The following ABCB8 variants were observed in gnomAD, a reference collection of about 807,000 sequenced individuals.
ABCB8 encodes ATP binding cassette subfamily B member 8, also known as mitochondrial potassium channel ATP-binding subunit.
A neutral mutation model predicts 73.0 loss-of-function variants in ABCB8; 52 were observed. That is an observed-to-expected ratio of 0.71 (90% confidence interval 0.57 to 0.90). ABCB8 has a LOEUF of 0.90. ABCB8 is among the 40% of genes least tolerant of loss of function. The probability of loss-of-function intolerance (pLI) is 0.00; values close to 1 mark genes in which losing one functional copy is unlikely to be tolerated. For synonymous variants in ABCB8, 428 were observed against 423.5 expected, an observed-to-expected ratio of 1.01 and a Z score of -0.13; for missense variants, 909 against 974.6, an observed-to-expected ratio of 0.93 and a Z score of 0.90.
intron 1 of ABCB8, chr7:151,029,118 G>A: frequency 3.4e-6 from 2 of 595,256 alleles, no homozygotes; most frequent in African/African-American, 2.0e-5. Context: ...TGGCCAACAT[G>A]GCAAAACCTC....
intron 12 of ABCB8, 82 bp from the exon 13 acceptor site, chr7:151,041,017 C>T (rs1796446437): frequency 6.2e-7 from 1 of 1,608,136 alleles, no homozygotes; most frequent in African/African-American, 1.4e-5. Context: ...GGGGTCCCTT[C>T]CTCCACTGCC....
rs1343338903 is a variant in ABCB8, at chr7:151,041,989, T to C, written c.1646T>C (p.Met549Thr). Residue 549 changes from methionine (M) to threonine (T), a missense_variant, in exon 14 of 16, where the codon ATG (methionine) becomes ACG (threonine). By Grantham distance (81) the Met-to-Thr change is moderately conservative (BLOSUM62 -1). Transcript: ENST00000358849. ...CCCGTCCTGTTTGGGACGACCATCA[T>C]GGAAAACATCCGCTTTGGGAAGCTG... is the stretch of plus-strand genomic sequence containing the variant. ...QEPVLFGTTI[M>T]ENIRFGKLEA... is the part of the protein sequence containing the mutation. 2 of 1,612,966 alleles carry C rather than the reference T, an allele frequency of 1.2e-6. No individual in the cohort carries two copies. Among genetic ancestry groups the C allele is most frequent in the South Asian group, 2.2e-5 (2 of 91,084 alleles).
rs768805047 is a variant in ABCB8, at chr7:151,040,607, C to T, written c.1361C>T (p.Ser454Phe). The stretch of plus-strand genomic sequence containing the variant: ...GTCCCCAAAGAGCAGCTGCGTGGCT[C>T]CGTTACATTTCAGAACGTCTGCTTC... ...CCVPKEQLRG[S>F]VTFQNVCFSY... Residue 454 changes from serine to phenylalanine, a missense_variant, in exon 11 of 16, where the codon TCC becomes TTC. By Grantham distance (155) the Ser-to-Phe change is radical. Transcript: ENST00000358849. 8.1e-6 allele frequency: 13 copies of T among 1,613,084 alleles called. No homozygotes were observed. The highest frequency in any genetic ancestry group is 1.7e-4 in the Middle Eastern group (1 of 6,058).
intron 1 of ABCB8, chr7:151,028,994 C>A (rs1796061692): frequency 8.2e-7 from 1 of 1,219,532 alleles, no homozygotes; most frequent in Non-Finnish European, 1.0e-6. Context: ...CAAAGTGAGT[C>A]GAAGAAGAAC....
chr7:151,033,207 C>T, intron 1 of ABCB8: 1 of 421,530 alleles, frequency 2.4e-6, no homozygotes, highest in Non-Finnish European at 4.7e-6. Flanking sequence ...TTCCTCACCT[C>T]TCTGCACCGT....
chr7:151,032,602 G>A (rs1315992696), intron 1 of ABCB8, among the ~76,000 whole-genome samples: 3 of 151,938 alleles, frequency 2.0e-5, no homozygotes, highest in African/African-American at 7.3e-5. Context: ...GCTGAGGCAG[G>A]AGAATCTCTT....
intron 9 of ABCB8, 55 bp from the exon 10 acceptor site, chr7:151,040,210 CCCT>C: frequency 3.8e-6 from 6 of 1,594,252 alleles, no homozygotes; most frequent in Non-Finnish European, 5.1e-6. Flanking sequence ...GGCTTCCTTC[CCCT>C]CCTCTGGCTC....
At position 151,044,044 on chromosome 7, in the gene ABCB8, C is replaced by T. The variant is rs759008062; in HGVS notation, c.1839C>T (p.Pro613=). The T allele has an allele frequency of 2.5e-6, 4 of 1,613,382 alleles. No homozygotes were observed. The South Asian group carries it at 3.3e-5, about 13-fold the overall frequency. The change falls in exon 15 of 16, where the codon CCC becomes CCT. Residue 613 remains proline (P), a synonymous_variant. Coordinates refer to ENST00000358849, the MANE Select transcript of ABCB8 (RefSeq NM_007188.5). ...TCGCCCGAGCCCTTATCAAGCAGCC[C>T]ACGGTGCTGATACTGGATGAAGCTA... ...LAIARALIKQ[P]TVLILDEATS...
chr7:151,044,210 C>G lies in ABCB8; in HGVS notation c.2005C>G (p.Arg669Gly). The G allele has an allele frequency of 6.3e-7, 1 of 1,599,074 alleles. No homozygotes were observed. The stretch of plus-strand genomic sequence containing the variant: ...CTGCATTGTCGTCATGGCCGATGGC[C>G]GTGTCTGGGAGGTTAGTTGTCCTGG... ...AHCIVVMADG[R>G]VWEAGTHEEL... is the part of the protein sequence containing the mutation. Residue 669 changes from arginine (R) to glycine (G), a missense_variant, in exon 15 of 16, where the codon CGT becomes GGT. By Grantham distance (125) the Arg-to-Gly change is moderately radical (BLOSUM62 -2). Coordinates refer to ENST00000358849, the MANE Select transcript of ABCB8 (RefSeq NM_007188.5).
intron 15 of ABCB8, 129 bp from the exon 16 acceptor site, chr7:151,045,080 G>T: frequency 2.5e-6 from 3 of 1,191,026 alleles, no homozygotes; most frequent in Non-Finnish European, 2.3e-6. Flanking sequence ...TGGTTTCAGA[G>T]TGTCCCCAGA....
intron 13 of ABCB8, among the ~76,000 whole-genome samples, chr7:151,041,649 C>T (rs753546950): frequency 1.2e-4 from 19 of 152,180 alleles, no homozygotes; most frequent in Admixed American, 2.6e-4. Flanking sequence ...GCCTGCTGTC[C>T]GCCAGGGAGA....
Position 151,040,542 on chromosome 7 carries a change from G to A in ABCB8, c.1296G>A (p.Met432Ile), listed in dbSNP as rs1178662884. Residue 432 changes from methionine to isoleucine, a missense_variant, in exon 11 of 16, where the codon ATG becomes ATA. Coordinates refer to ENST00000358849, the MANE Select transcript of ABCB8 (RefSeq NM_007188.5). ...CAGGTGCCCGGGTCTTTGAGTACAT[G>A]GCCCTGAACCCCTGCATCCCACTGT... is the stretch of plus-strand genomic sequence containing the variant. ...LSAGARVFEY[M>I]ALNPCIPLSG... 7.4e-6 allele frequency: 12 copies of A among 1,613,412 alleles called. No individual in the cohort carries two copies. The highest frequency in any genetic ancestry group is 1.0e-5 in the Non-Finnish European group (12 of 1,179,880).
chr7:151,044,816 G>A (rs1796572219), intron 15 of ABCB8, among the ~76,000 whole-genome samples: 1 of 152,210 alleles, frequency 6.6e-6, no homozygotes, highest in African/African-American at 2.4e-5. Flanking sequence ...CAGGGTATCA[G>A]GTGCAGGAGA....
In ABCB8 at chr7:151,040,276, C is replaced by G; in HGVS notation, c.1226C>G (p.Ala409Gly). Reference sequence around the variant, plus strand: ...TCTCCTTTTTCTGACAGGTCCATGGCCAACCTCTCTGTCCTGTTTGGGCAG... The same window carrying G: ...TCTCCTTTTTCTGACAGGTCCATGGGCAACCTCTCTGTCCTGTTTGGGCAG... ...VASQTVQRSMANLSVLFGQVV... is the reference protein window; with the variant it reads ...VASQTVQRSMGNLSVLFGQVV... The change falls in exon 10 of 16, where the codon GCC (alanine) becomes GGC (glycine). Residue 409 changes from alanine (A) to glycine (G), a missense_variant. Physicochemically the swap from Ala to Gly is moderately conservative, Grantham distance 60. Transcript: ENST00000358849. 1 of 1,613,118 alleles carries G rather than the reference C, an allele frequency of 6.2e-7. No individual in the cohort carries two copies. The highest frequency in any genetic ancestry group is 8.5e-7 in the Non-Finnish European group (1 of 1,179,560).
chr7:151,030,967 A>G (rs572682609), intron 1 of ABCB8, among the ~76,000 whole-genome samples: 2 of 152,286 alleles, frequency 1.3e-5, no homozygotes, highest in Admixed American at 6.5e-5. Flanking sequence ...ATCAGAATAC[A>G]TGTTAAGAAT....
At chr7:151,031,868 C>T (rs1454682243) in intron 1 of ABCB8, among the ~76,000 whole-genome samples, 1 of 152,236 alleles carries the variant, frequency 6.6e-6, no homozygotes. Context: ...CCCGCCTCAG[C>T]CTCCCAAAGT....
chr7:151,043,024 C>T (rs1796509755), intron 14 of ABCB8, among the ~76,000 whole-genome samples: 1 of 152,216 alleles, frequency 6.6e-6, no homozygotes, highest in Non-Finnish European at 1.5e-5. Context: ...CTGCTGTCAC[C>T]TTGAGGTTCT....
intron 13 of ABCB8, 43 bp from the exon 14 acceptor site, chr7:151,041,918 G>C: frequency 1.2e-6 from 2 of 1,602,172 alleles, no homozygotes; most frequent in East Asian, 2.2e-5. Flanking sequence ...GGGGCAAAGA[G>C]AATGTTTCTA....
intron 14 of ABCB8, among the ~76,000 whole-genome samples, chr7:151,043,119 G>A (rs1026943130): frequency 6.6e-6 from 1 of 152,248 alleles, no homozygotes; most frequent in East Asian, 1.9e-4. Context: ...CAGAGCCCAT[G>A]TTTGGGTGCT....
Sources: gnomAD v4.1 joint callset for allele counts (sites outside exome capture counted in the v4.1 genomes callset) on GRCh38, gnomAD v4.1.1 for gene constraint, MANE v1.5 for transcripts, NCBI Gene and HGNC (gene_info 2026-07-23, HGNC 2026-07-21) for gene names.